SPOCK1: variants seen among roughly 807,000 people sequenced by gnomAD.
SPOCK1 encodes the protein SPARC (osteonectin), cwcv and kazal like domains proteoglycan 1, also known as testican-1.
A neutral mutation model predicts 55.3 loss-of-function variants in SPOCK1; 23 were observed. The observed-to-expected ratio is 0.42, with a 90% CI of 0.30 to 0.59. SPOCK1 has a LOEUF of 0.59. SPOCK1 is among the 20% of genes least tolerant of loss of function. The pLI, the probability that SPOCK1 is intolerant of heterozygous loss-of-function variation, is 0.22. For missense variants in SPOCK1, 499 were observed against 552.5 expected (o/e 0.90, Z 0.97); for synonymous variants, 226 against 221.0 (o/e 1.02, Z -0.20).
intron 3 of SPOCK1, among the ~76,000 whole-genome samples, chr5:137,265,620 C>T (rs963064744): frequency 6.6e-6 from 1 of 152,154 alleles, no homozygotes; most frequent in African/African-American, 2.4e-5. Context: ...TTGAGTGAAT[C>T]ATTGTGATGA....
At chr5:137,311,221 G>C (rs1470577872) in intron 2 of SPOCK1, among the ~76,000 whole-genome samples, 1 of 151,938 alleles carries the variant, frequency 6.6e-6, no homozygotes, top group Non-Finnish European at 1.5e-5. Context: ...ATTTTAACCA[G>C]AACAAAAGCA....
chr5:137,149,147 T>C (rs1227752650), intron 3 of SPOCK1, among the ~76,000 whole-genome samples: 3 of 152,314 alleles, frequency 2.0e-5, no homozygotes, highest in East Asian at 3.9e-4. Flanking sequence ...TAAGAAACAA[T>C]AGTGACCAGG....
At chr5:137,310,440 G>A (rs1306316438) in intron 2 of SPOCK1, among the ~76,000 whole-genome samples, 3 of 152,200 alleles carry the variant, frequency 2.0e-5, no homozygotes, top group African/African-American at 7.2e-5. Context: ...TTAGCTATAA[G>A]AAGCCATTCC....
intron 2 of SPOCK1, among the ~76,000 whole-genome samples, chr5:137,490,338 G>C (rs571351610): frequency 6.6e-6 from 1 of 152,282 alleles, no homozygotes; most frequent in East Asian, 1.9e-4. Context: ...GCCAAATCTG[G>C]AGCTTGGGGA....
intron 5 of SPOCK1, among the ~76,000 whole-genome samples, chr5:137,096,022 G>T (rs1383011038): frequency 1.3e-5 from 2 of 152,152 alleles, no homozygotes; most frequent in Non-Finnish European, 2.9e-5. Context: ...CATTGATGGG[G>T]TGGGGTCATC....
intron 2 of SPOCK1, among the ~76,000 whole-genome samples, chr5:137,337,727 G>A (rs1750313896): frequency 6.6e-6 from 1 of 152,222 alleles, no homozygotes; most frequent in South Asian, 2.1e-4. Context: ...CATACACACA[G>A]AGAGAATTCA....
intron 2 of SPOCK1, among the ~76,000 whole-genome samples, chr5:137,361,441 G>A (rs1750941649): frequency 6.6e-6 from 1 of 152,198 alleles, no homozygotes; most frequent in Non-Finnish European, 1.5e-5. Context: ...AATATCTGTT[G>A]AGTGAGTGGA....
intron 2 of SPOCK1, among the ~76,000 whole-genome samples, chr5:137,333,142 A>G (rs1233590415): frequency 6.6e-6 from 1 of 152,188 alleles, no homozygotes; most frequent in East Asian, 1.9e-4. Context: ...GATGCACATT[A>G]AAGAAAAGTC....
At chr5:137,265,542 G>C (rs1756831010) in intron 3 of SPOCK1, among the ~76,000 whole-genome samples, 1 of 152,082 alleles carries the variant, frequency 6.6e-6, no homozygotes, top group Non-Finnish European at 1.5e-5. Flanking sequence ...CTATTAAAAA[G>C]TTTTAAAATT....
intron 5 of SPOCK1, among the ~76,000 whole-genome samples, chr5:137,101,134 G>A (rs772559119): frequency 2.0e-5 from 3 of 152,162 alleles, no homozygotes; most frequent in Non-Finnish European, 4.4e-5. Flanking sequence ...AGAGCAGAAT[G>A]TCAGCAAGGG....
chr5:137,088,329 C>G (rs2348187), intron 5 of SPOCK1, among the ~76,000 whole-genome samples: 60,390 of 152,072 alleles, frequency 0.4, 12,872 homozygotes, highest in Non-Finnish European at 0.48. Context: ...AACTTCGTAA[C>G]CACATTGGTT....
At chr5:137,451,202 T>C (rs2149834807) in intron 2 of SPOCK1, among the ~76,000 whole-genome samples, 1 of 152,278 alleles carries the variant, frequency 6.6e-6, no homozygotes, top group South Asian at 2.1e-4. Flanking sequence ...TTTCCCCTTC[T>C]TAGGTAATGC....
At chr5:137,215,370 T>A (rs551297803) in intron 3 of SPOCK1, among the ~76,000 whole-genome samples, 1 of 152,148 alleles carries the variant, frequency 6.6e-6, no homozygotes, top group African/African-American at 2.4e-5. Flanking sequence ...CTCTGCAGGG[T>A]CCCTATGGTC....
At chr5:137,433,039 T>G (rs948332771) in intron 2 of SPOCK1, among the ~76,000 whole-genome samples, 2 of 152,204 alleles carry the variant, frequency 1.3e-5, no homozygotes, top group South Asian at 2.1e-4. Context: ...TCCTGCCCTG[T>G]GGAAGGCAAA....
chr5:137,444,448 A>T (rs192756621), intron 2 of SPOCK1, among the ~76,000 whole-genome samples: 2 of 152,268 alleles, frequency 1.3e-5, no homozygotes, highest in East Asian at 3.9e-4. Context: ...CTTCCAACCA[A>T]TGATCCCCTC....
intron 2 of SPOCK1, among the ~76,000 whole-genome samples, chr5:137,461,465 AGCAGCTTTTGGGG>A (rs1753487454): frequency 6.6e-6 from 1 of 152,230 alleles, no homozygotes; most frequent in Non-Finnish European, 1.5e-5. Flanking sequence ...TCATTAATGA[AGCAGCTTTTGGGG>A]GCAGCCCCTT....
intron 5 of SPOCK1, among the ~76,000 whole-genome samples, chr5:137,082,009 A>C (rs1752884742): frequency 6.6e-6 from 1 of 152,190 alleles, no homozygotes; most frequent in Non-Finnish European, 1.5e-5. Flanking sequence ...AGCCTGATGA[A>C]AGGAGAGCTG....
intron 3 of SPOCK1, among the ~76,000 whole-genome samples, chr5:137,140,920 C>T (rs568796492): frequency 5.3e-5 from 8 of 151,930 alleles, no homozygotes; most frequent in African/African-American, 1.2e-4. Context: ...CCACCATACC[C>T]GGCTAATTTT....
At chr5:137,491,217 T>C (rs1242683318) in intron 2 of SPOCK1, among the ~76,000 whole-genome samples, 1 of 152,200 alleles carries the variant, frequency 6.6e-6, no homozygotes, top group Non-Finnish European at 1.5e-5. Flanking sequence ...CTCAGGTTAA[T>C]AGTGGGCACT....
Sources: gnomAD v4.1 joint callset for allele counts (sites outside exome capture counted in the v4.1 genomes callset) on GRCh38, gnomAD v4.1.1 for gene constraint, MANE v1.5 for transcripts, NCBI Gene and HGNC (gene_info 2026-07-23, HGNC 2026-07-21) for gene names.